CDYL2: variants seen among roughly 807,000 people sequenced by gnomAD.
CDYL2 encodes the protein chromodomain Y-like protein 2.
A neutral mutation model predicts 49.4 loss-of-function variants in CDYL2; 23 were observed. That is an observed-to-expected ratio of 0.47 (90% CI 0.34 to 0.66). CDYL2 has a LOEUF of 0.66. Ranked by LOEUF, CDYL2 falls within the 30% of genes least tolerant of loss-of-function variation. The probability of loss-of-function intolerance (pLI) is 0.01; values close to 1 mark genes in which losing one functional copy is unlikely to be tolerated. For missense variants in CDYL2, 678 were observed against 656.4 expected, an observed-to-expected ratio of 1.03 and a Z score of -0.36; for synonymous variants, 360 against 268.8, an observed-to-expected ratio of 1.34 and a Z score of -3.32.
intron 3 of CDYL2, among the ~76,000 whole-genome samples, chr16:80,629,576 T>TC (rs1419834540): frequency 1.3e-5 from 2 of 152,198 alleles, no homozygotes; most frequent in Non-Finnish European, 2.9e-5. Flanking sequence ...GGAGACTGTG[T>TC]CATCTGTTTC....
rs536130668 is a variant in CDYL2 at position 80,754,878 on chromosome 16, G to C, written c.24+49272C>G. Among the ~76,000 whole-genome samples the C allele has an allele frequency of 2.6e-5, 4 of 152,222 alleles. No individual in the cohort carries two copies. In the East Asian group the frequency reaches 7.7e-4, roughly 29 times the overall value. ...CCTCCTGTATCAGGGAAGGGAGCAGGGTATCAGATGGGAAGGTAGACATTT... is the reference window on the plus strand; with the variant it reads ...CCTCCTGTATCAGGGAAGGGAGCAGCGTATCAGATGGGAAGGTAGACATTT... On this transcript the variant is annotated intron_variant, in intron 1 of 6. Coordinates refer to ENST00000570137, the MANE Select transcript of CDYL2 (RefSeq NM_152342.4).
intron 1 of CDYL2, among the ~76,000 whole-genome samples, chr16:80,782,138 TGAA>T (rs1218088369): frequency 1.3e-5 from 2 of 150,836 alleles, no homozygotes. Flanking sequence ...TAAAGAAAAA[TGAA>T]GAAGGCTCAA....
At chr16:80,703,071 T>C (rs891808817) in intron 1 of CDYL2, among the ~76,000 whole-genome samples, 1 of 152,048 alleles carries the variant, frequency 6.6e-6, no homozygotes, top group East Asian at 1.9e-4. Flanking sequence ...AAGAAGGAAA[T>C]GTTAATAAAA....
In CDYL2 at chr16:80,753,260, T is replaced by TA. The variant is rs548372995; in HGVS notation, c.24+50889dup. On this transcript the variant is annotated intron_variant, in intron 1 of 6. Transcript: ENST00000570137. ...TCCGAGAAATGGTAAATTCCCAACT[T>TA]AAAAAAAAAAAAAAATTTAATCTTG... is the stretch of plus-strand genomic sequence containing the variant. Among the ~76,000 whole-genome samples the TA allele has an allele frequency of 8.1e-3, 1,137 of 140,106 alleles. 7 individuals carry two copies. Among genetic ancestry groups the TA allele is most frequent in the African/African-American group, 0.022 (854 of 38,706 alleles). 91.9% of individuals were successfully genotyped at this position (140,106 alleles called of 152,430 possible). A position where few individuals can be genotyped will look rare whatever the true frequency, so the allele number is the denominator to read the frequency against.
intron 1 of CDYL2, among the ~76,000 whole-genome samples, chr16:80,718,122 G>A (rs935546873): frequency 1.2e-4 from 18 of 152,194 alleles, no homozygotes; most frequent in African/African-American, 3.9e-4. Context: ...AAGGCCACAT[G>A]ACCAAGGCAA....
intron 1 of CDYL2, among the ~76,000 whole-genome samples, chr16:80,727,392 G>T (rs568874324): frequency 1.3e-5 from 2 of 152,350 alleles, no homozygotes; most frequent in South Asian, 4.1e-4. Context: ...TTTCCGAGGG[G>T]CTTAAAAAAC....
chr16:80,725,167 A>AACACATACACAT (rs112801144), intron 1 of CDYL2, among the ~76,000 whole-genome samples: 3,776 of 151,272 alleles, frequency 0.025, 68 homozygotes, highest in Non-Finnish European at 0.032. Flanking sequence ...ACACCTGTGC[A>AACACATACACAT]ACACATACAC....
At chr16:80,617,547 C>T (rs905382814) in intron 4 of CDYL2, among the ~76,000 whole-genome samples, 3 of 152,178 alleles carry the variant, frequency 2.0e-5, no homozygotes, top group Admixed American at 6.5e-5. Flanking sequence ...GCTTCACTGC[C>T]ACCTTGTGTC....
At chr16:80,747,824 C>G (rs1905985659) in intron 1 of CDYL2, among the ~76,000 whole-genome samples, 1 of 152,148 alleles carries the variant, frequency 6.6e-6, no homozygotes, top group African/African-American at 2.4e-5. Context: ...CTATTTATGG[C>G]TTCCTCTGGT....
chr16:80,651,900 T>G (rs1908599899), intron 2 of CDYL2, among the ~76,000 whole-genome samples: 1 of 152,178 alleles, frequency 6.6e-6, no homozygotes, highest in Non-Finnish European at 1.5e-5. Flanking sequence ...ATGGTGGGAC[T>G]TAGGTTTTCA....
intron 1 of CDYL2, among the ~76,000 whole-genome samples, chr16:80,724,695 A>AT (rs1484965393): frequency 1.3e-5 from 2 of 152,196 alleles, no homozygotes; most frequent in Non-Finnish European, 2.9e-5. Flanking sequence ...TACAACATAG[A>AT]TTTCTTTCTA....
intron 1 of CDYL2, among the ~76,000 whole-genome samples, chr16:80,721,584 C>A (rs1048750379): frequency 1.3e-5 from 2 of 152,192 alleles, no homozygotes; most frequent in African/African-American, 4.8e-5. Context: ...TGCTGGTGAC[C>A]ACTTTCTTCT....
intron 2 of CDYL2, among the ~76,000 whole-genome samples, chr16:80,646,188 A>G (rs1255966078): frequency 6.6e-6 from 1 of 152,126 alleles, no homozygotes; most frequent in African/African-American, 2.4e-5. Flanking sequence ...CTCCCACAAT[A>G]TGTGGGAATT....
At chr16:80,629,999 G>C (rs967424395) in intron 3 of CDYL2, among the ~76,000 whole-genome samples, 2 of 152,216 alleles carry the variant, frequency 1.3e-5, no homozygotes, top group Non-Finnish European at 2.9e-5. Flanking sequence ...GAGCAGCAAA[G>C]TAACTTCCCA....
chr16:80,778,302 TAATAA>T (rs893494445), intron 1 of CDYL2, among the ~76,000 whole-genome samples: 17 of 152,014 alleles, frequency 1.1e-4, no homozygotes, highest in African/African-American at 3.9e-4. Flanking sequence ...AAATTCTAGC[TAATAA>T]AATAAGAGTA....
At chr16:80,630,812 T>C (rs1179324494) in intron 3 of CDYL2, among the ~76,000 whole-genome samples, 2 of 152,090 alleles carry the variant, frequency 1.3e-5, no homozygotes, top group Admixed American at 1.3e-4. Context: ...ATTTCAACCA[T>C]AATAATAATG....
chr16:80,746,373 GCTT>G (rs1905931151), intron 1 of CDYL2, among the ~76,000 whole-genome samples: 1 of 152,154 alleles, frequency 6.6e-6, no homozygotes, highest in Non-Finnish European at 1.5e-5. Context: ...GAAGAAAAAG[GCTT>G]CTTTAGACAA....
chr16:80,768,393 T>G (rs1906796667), intron 1 of CDYL2, among the ~76,000 whole-genome samples: 1 of 152,222 alleles, frequency 6.6e-6, no homozygotes, highest in South Asian at 2.1e-4. Context: ...CTTAGACTAT[T>G]CAGGCTGCTA....
chr16:80,687,859 C>T (rs1415322361), intron 1 of CDYL2, among the ~76,000 whole-genome samples: 5 of 152,166 alleles, frequency 3.3e-5, no homozygotes, highest in East Asian at 1.9e-4. Flanking sequence ...CAACTATGTA[C>T]GTTTGCATTC....
Sources: gnomAD v4.1 joint callset for allele counts (sites outside exome capture counted in the v4.1 genomes callset) on GRCh38, gnomAD v4.1.1 for gene constraint, MANE v1.5 for transcripts, NCBI Gene and HGNC (gene_info 2026-07-23, HGNC 2026-07-21) for gene names.